Variants in CASK observed in about 807,000 individuals in gnomAD.
The protein encoded by CASK is peripheral plasma membrane protein CASK.
Under a neutral mutation model 82.9 loss-of-function variants are expected in CASK, and 4 were observed. The observed-to-expected ratio is 0.05, with a 90% CI of 0.02 to 0.11. The LOEUF (loss-of-function observed/expected upper bound fraction) is 0.11, where lower values mean the gene tolerates loss of function less well. CASK is among the 10% of genes least tolerant of loss of function. The pLI is 1.00. For missense variants in CASK, 358 were observed against 720.9 expected (o/e 0.50, Z 5.76); for synonymous variants, 259 against 253.5 (o/e 1.02, Z -0.20).
intron 8 of CASK, among the ~76,000 whole-genome samples, chrX:41,637,760 C>A (rs148211280): frequency 0.017 from 1,920 of 110,569 alleles, 37 homozygotes; most frequent in African/African-American, 0.059. Flanking sequence ...CCTCCCACCT[C>A]AGCCTCCTGA....
At chrX:41,582,183 G>A (rs913438312) in intron 14 of CASK, among the ~76,000 whole-genome samples, 3 of 111,156 alleles carry the variant, frequency 2.7e-5, no homozygotes, top group African/African-American at 6.5e-5. Context: ...CCTACAGTCC[G>A]TTCTCTACAC....
At chrX:41,700,931 CAAAAAAAAAAA>C (rs1215266415) in intron 5 of CASK, among the ~76,000 whole-genome samples, 1 of 37,128 alleles carries the variant, frequency 2.7e-5, no homozygotes, top group East Asian at 1.0e-3. Flanking sequence ...GACTCCGTCT[CAAAAAAAAAAA>C]AAAAAAAAAA....
At chrX:41,903,785 GTC>G (rs1339580356) in intron 1 of CASK, among the ~76,000 whole-genome samples, 1 of 111,880 alleles carries the variant, frequency 8.9e-6, no homozygotes, top group Non-Finnish European at 1.9e-5. Flanking sequence ...AATCTGCACT[GTC>G]TACCATGCAG....
intron 1 of CASK, among the ~76,000 whole-genome samples, chrX:41,869,826 A>AAAAAAAAAAAAAAAAAAAAAAC (rs1450138698): frequency 9.8e-6 from 1 of 102,196 alleles, no homozygotes; most frequent in African/African-American, 3.5e-5. Flanking sequence ...AAAAAAAAAA[A>AAAAAAAAAAAAAAAAAAAAAAC]AAAAAAAAAA....
intron 9 of CASK, among the ~76,000 whole-genome samples, chrX:41,634,298 T>A (rs1266763300): frequency 8.9e-6 from 1 of 112,581 alleles, no homozygotes; most frequent in Non-Finnish European, 1.9e-5. Context: ...TTGAGGATGG[T>A]AGGTGTAACA....
intron 15 of CASK, among the ~76,000 whole-genome samples, chrX:41,574,355 A>G (rs1180790403): frequency 9.0e-6 from 1 of 111,466 alleles, no homozygotes; most frequent in African/African-American, 3.3e-5. Context: ...CTGTCTCACA[A>G]GAGATCACTG....
chrX:41,625,620 C>T (rs927365069), intron 10 of CASK, among the ~76,000 whole-genome samples: 6 of 111,032 alleles, frequency 5.4e-5, no homozygotes, highest in African/African-American at 2.0e-4. Context: ...CCTCAGCCTC[C>T]TGAGTAGCTA....
chrX:41,740,410 G>C (rs1269178388), intron 4 of CASK, among the ~76,000 whole-genome samples: 1 of 103,464 alleles, frequency 9.7e-6, no homozygotes, highest in Non-Finnish European at 2.0e-5. Context: ...ATTTTGTTTT[G>C]TTTCCAGATC....
intron 2 of CASK, among the ~76,000 whole-genome samples, chrX:41,810,672 G>T (rs1370164626): frequency 9.0e-6 from 1 of 111,651 alleles, no homozygotes; most frequent in Non-Finnish European, 1.9e-5. Context: ...AGAAATTGCA[G>T]CAACTAACAA....
chrX:41,561,974 T>C (rs1052047239), intron 16 of CASK: 6 of 171,159 alleles, frequency 3.5e-5, no homozygotes, highest in Middle Eastern at 2.4e-3. Flanking sequence ...TTACTAGCTT[T>C]AAGATCTTGG....
Position 41,912,554 on chromosome X carries a change from C to G in CASK, c.59+10376G>C, listed in dbSNP as rs372786875. The stretch of plus-strand genomic sequence containing the variant: ...AACTCCTGACCTCAAGTGAGCCACC[C>G]ACCTCAGCCTTCCAACGTGCTGGGA... On this transcript the variant is annotated intron_variant, in intron 1 of 26. Coordinates refer to ENST00000378163, the MANE Select transcript of CASK (RefSeq NM_001367721.1). 1.4e-4 allele frequency among the ~76,000 whole-genome samples: 15 copies of G among 108,016 alleles called. No homozygotes were observed. In the East Asian group the frequency reaches 3.8e-3, roughly 27 times the overall value. 93.8% of individuals were successfully genotyped at this position (108,016 alleles called of 115,157 possible).
chrX:41,801,083 A>G (rs1418949072), intron 2 of CASK, among the ~76,000 whole-genome samples: 2 of 111,800 alleles, frequency 1.8e-5, no homozygotes, highest in Non-Finnish European at 3.8e-5. Flanking sequence ...GAGACATGCA[A>G]AATGCAGAAA....
chrX:41,734,815 T>C (rs2068470837), intron 5 of CASK, among the ~76,000 whole-genome samples: 1 of 111,561 alleles, frequency 9.0e-6, no homozygotes, highest in African/African-American at 3.3e-5. Flanking sequence ...TAGCCTGATA[T>C]GTCACTAAGT....
At chrX:41,728,001 A>C in intron 5 of CASK, 1 of 1,146,769 alleles carries the variant, frequency 8.7e-7, no homozygotes, top group Non-Finnish European at 1.2e-6. Flanking sequence ...ATCTCTTTAC[A>C]AAGTCTAATT....
intron 5 of CASK, among the ~76,000 whole-genome samples, chrX:41,695,310 C>CTT (rs1331604938): frequency 9.1e-5 from 8 of 87,711 alleles, no homozygotes; most frequent in South Asian, 1.1e-3. Context: ...TTTACACTGT[C>CTT]TTTTTTTTTT....
At position 41,874,639 on chromosome X, in the gene CASK, C is replaced by T. The variant is rs756018760; in HGVS notation, c.60-21412G>A. On this transcript the variant is annotated intron_variant, in intron 1 of 26. Coordinates refer to ENST00000378163, the MANE Select transcript of CASK (RefSeq NM_001367721.1). ...TTAGCTAATCTGCAATACAAACAAT[C>T]CAAAGTACTATATATCTCCTGCTTT... Among the ~76,000 whole-genome samples the T allele has an allele frequency of 1.6e-4, 18 of 112,317 alleles. No homozygotes were observed. In the South Asian group the frequency reaches 5.2e-3, roughly 32 times the overall value.
At chrX:41,634,328 AACT>A (rs763719489) in intron 9 of CASK, among the ~76,000 whole-genome samples, 3 of 112,653 alleles carry the variant, frequency 2.7e-5, no homozygotes, top group Non-Finnish European at 5.6e-5. Flanking sequence ...AAGGTGGCTG[AACT>A]ACTCAAAAGA....
chrX:41,597,458 G>A (rs1053023110), intron 12 of CASK, among the ~76,000 whole-genome samples: 2 of 112,596 alleles, frequency 1.8e-5, no homozygotes, highest in Admixed American at 9.4e-5. Flanking sequence ...TAATGAATGT[G>A]TCTGTGATGA....
intron 1 of CASK, among the ~76,000 whole-genome samples, chrX:41,899,104 G>A (rs965070657): frequency 1.8e-5 from 2 of 111,392 alleles, no homozygotes; most frequent in African/African-American, 6.5e-5. Flanking sequence ...CTGATGTTGG[G>A]TGCATATATA....
Sources: gnomAD v4.1 joint callset for allele counts (sites outside exome capture counted in the v4.1 genomes callset) on GRCh38, gnomAD v4.1.1 for gene constraint, MANE v1.5 for transcripts, NCBI Gene and HGNC (gene_info 2026-07-23, HGNC 2026-07-21) for gene names.